Variants in TGFB2 observed in about 807,000 individuals in gnomAD.
TGFB2 encodes transforming growth factor beta 2.
In TGFB2, 13 loss-of-function variants were observed where a neutral mutation model predicts 42.7. The observed-to-expected ratio is 0.30, with a 90% CI of 0.20 to 0.48. TGFB2 has a LOEUF of 0.48. TGFB2 is among the 20% of genes least tolerant of loss of function. The pLI, the probability that TGFB2 is intolerant of heterozygous loss-of-function variation, is 0.99. For synonymous variants in TGFB2, 193 were observed against 193.6 expected, an observed-to-expected ratio of 1.00 and a Z score of 0.03; for missense variants, 390 against 517.5, an observed-to-expected ratio of 0.75 and a Z score of 2.39.
At chr1:218,396,619 A>G (rs1406400471) in intron 1 of TGFB2, among the ~76,000 whole-genome samples, 2 of 152,016 alleles carry the variant, frequency 1.3e-5, no homozygotes, top group African/African-American at 4.8e-5. Flanking sequence ...GGCTATATAG[A>G]AAGTAAGTCC....
Position 218,436,027 on chromosome 1 carries a change from G to A in TGFB2, c.812G>A (p.Arg271Lys), listed in dbSNP as rs370439281. 5.0e-6 allele frequency: 8 copies of A among 1,613,770 alleles called. No homozygotes were observed. The African/African-American group carries it at 9.3e-5, about 19-fold the overall frequency. Reference protein sequence around the residue: ...SGDQKTIKSTRKKNSGKTPHL... With the variant: ...SGDQKTIKSTKKKNSGKTPHL... ...GATCAGAAAACTATAAAGTCCACTA[G>A]GAAAAAAAACAGTGGGAAGACCCCA... Residue 271 changes from arginine (R) to lysine (K), a missense_variant, in exon 5 of 7, where the codon AGG (arginine) becomes AAG (lysine). Arg to Lys is a conservative substitution (Grantham distance 26, BLOSUM62 2). Transcript: ENST00000366930.
intron 2 of TGFB2, among the ~76,000 whole-genome samples, chr1:218,411,562 G>T (rs554851819): frequency 6.6e-6 from 1 of 152,252 alleles, no homozygotes; most frequent in South Asian, 2.1e-4. Context: ...GGTAGAAACT[G>T]CAAGTCCTCT....
rs1660005527 is a variant in TGFB2 at position 218,437,385 on chromosome 1, T to C, written c.975T>C (p.Asp325=). The stretch of plus-strand genomic sequence containing the variant: ...GCTGCCTACGTCCACTTTACATTGA[T>C]TTCAAGAGGGATCTAGGGTGGAAAT... ...DNCCLRPLYI[D]FKRDLGWKWI... Residue 325 remains aspartate (D), a synonymous_variant, in exon 6 of 7, where the codon GAT becomes GAC. Transcript: ENST00000366930. 1 of 1,613,200 alleles carries C rather than the reference T, an allele frequency of 6.2e-7. No individual in the cohort carries two copies. The highest frequency in any genetic ancestry group is 8.5e-7 in the Non-Finnish European group (1 of 1,179,650).
intron 2 of TGFB2, among the ~76,000 whole-genome samples, chr1:218,416,224 C>T (rs1004815115): frequency 6.6e-6 from 1 of 152,030 alleles, no homozygotes; most frequent in African/African-American, 2.4e-5. Flanking sequence ...TTGTTACTAC[C>T]TCTCCCTGCT....
intron 1 of TGFB2, among the ~76,000 whole-genome samples, chr1:218,397,683 C>G (rs1241716725): frequency 6.6e-6 from 1 of 151,984 alleles, no homozygotes; most frequent in African/African-American, 2.4e-5. Context: ...AGGAATTGCT[C>G]AAGGAGTTTG....
intron 5 of TGFB2, 28 bp downstream of exon 5, chr1:218,436,175 A>C (rs1220438204): frequency 1.2e-6 from 2 of 1,601,716 alleles, no homozygotes; most frequent in East Asian, 4.5e-5. Context: ...AAAACCAAGT[A>C]ATTGCATCTG....
At position 218,345,983 on chromosome 1, in the gene TGFB2, C is replaced by A. The variant is rs1656654500; in HGVS notation, c.-719C>A. On this transcript the variant is annotated 5_prime_UTR_variant, in exon 1 of 7. Transcript: ENST00000366930. ...CTCTGCGGCCCCTGCGGCACCCGAC[C>A]GAGTACCGAGCGCCCTGCGAAGCGC... 6.6e-6 allele frequency among the ~76,000 whole-genome samples: 1 copy of A among 151,738 alleles called. No homozygotes were observed. Among genetic ancestry groups the A allele is most frequent in the Non-Finnish European group, 1.5e-5 (1 of 67,900 alleles).
chr1:218,397,563 CAA>C (rs759635592), intron 1 of TGFB2, among the ~76,000 whole-genome samples: 53 of 91,334 alleles, frequency 5.8e-4, no homozygotes, highest in East Asian at 1.3e-3. Context: ...GACTCCGTCT[CAA>C]AAAAAAAAAA....
At chr1:218,389,274 G>T (rs578231188) in intron 1 of TGFB2, among the ~76,000 whole-genome samples, 1 of 152,266 alleles carries the variant, frequency 6.6e-6, no homozygotes, top group South Asian at 2.1e-4. Flanking sequence ...CTTTTGCTTT[G>T]TGATACATGT....
rs910883712 is a variant in TGFB2 at position 218,374,327 on chromosome 1, C to T, written c.346+27280C>T. On this transcript the variant is annotated intron_variant, in intron 1 of 6. Transcript: ENST00000366930. ...GCCCCATACTTATGAAGGAATGTTA[C>T]ATTGAGGCATCCAATAAATATTTAT... Among the ~76,000 whole-genome samples, 5 of 152,156 alleles carry T rather than the reference C, an allele frequency of 3.3e-5. No homozygotes were observed. The South Asian group carries it at 1.0e-3, about 32-fold the overall frequency.
intron 1 of TGFB2, among the ~76,000 whole-genome samples, chr1:218,400,296 C>G (rs1231111847): frequency 6.6e-6 from 1 of 152,084 alleles, no homozygotes; most frequent in East Asian, 1.9e-4. Flanking sequence ...CTCCCTCTCT[C>G]TGTCTCTCTC....
At chr1:218,411,033 A>ATCC (rs76327107) in intron 2 of TGFB2, among the ~76,000 whole-genome samples, 19,269 of 152,150 alleles carry the variant, frequency 0.13, 1,482 homozygotes, top group South Asian at 0.2. Context: ...GCCCTAAACA[A>ATCC]TCCTTTGGGA....
intron 2 of TGFB2, among the ~76,000 whole-genome samples, chr1:218,405,975 C>T (rs1384060074): frequency 1.3e-5 from 2 of 152,008 alleles, no homozygotes; most frequent in African/African-American, 2.4e-5. Context: ...AATGTAGGTC[C>T]GATTTCTTCC....
intron 1 of TGFB2, 87 bp downstream of exon 1, chr1:218,347,134 C>A (rs1261568686): frequency 7.8e-7 from 1 of 1,284,614 alleles, no homozygotes. Flanking sequence ...ATCGCCCTTC[C>A]CTCTCGCGGT....
rs863223790 is a variant in TGFB2 at position 218,434,154 on chromosome 1, G to T, written c.583G>T (p.Glu195Ter). ...IDSKVVKTRA[E>*]GEWLSFDVTD... is the part of the protein sequence containing the mutation. ...CAGCAAAGTTGTGAAAACAAGAGCAGAAGGCGAATGGCTCTCCTTCGATGT... is the reference window on the plus strand; with the variant it reads ...CAGCAAAGTTGTGAAAACAAGAGCATAAGGCGAATGGCTCTCCTTCGATGT... The change falls in exon 3 of 7, where the codon GAA becomes TAA. Residue 195 changes from glutamate to a stop codon, truncating the protein, a stop_gained. Transcript: ENST00000366930. LOFTEE classifies it high-confidence loss of function. 6.2e-7 allele frequency: 1 copy of T among 1,614,100 alleles called. No individual in the cohort carries two copies. Among genetic ancestry groups the T allele is most frequent in the African/African-American group, 1.3e-5 (1 of 74,938 alleles).
At chr1:218,415,155 T>G (rs1659231745) in intron 2 of TGFB2, among the ~76,000 whole-genome samples, 1 of 152,232 alleles carries the variant, frequency 6.6e-6, no homozygotes, top group Admixed American at 6.5e-5. Flanking sequence ...CATGGAAACT[T>G]CTAGCACAGT....
intron 1 of TGFB2, among the ~76,000 whole-genome samples, chr1:218,396,194 A>G (rs1658505180): frequency 6.6e-6 from 1 of 152,226 alleles, no homozygotes. Context: ...GTAAAAAAGA[A>G]TTGCCTACTA....
intron 2 of TGFB2, among the ~76,000 whole-genome samples, chr1:218,424,380 T>C (rs1659554340): frequency 6.6e-6 from 1 of 152,238 alleles, no homozygotes; most frequent in African/African-American, 2.4e-5. Flanking sequence ...TTAACAGATA[T>C]ATATGTGTAA....
intron 1 of TGFB2, among the ~76,000 whole-genome samples, chr1:218,400,350 T>G (rs1302904936): frequency 6.6e-6 from 1 of 152,200 alleles, no homozygotes; most frequent in African/African-American, 2.4e-5. Flanking sequence ...TGTTTGATAT[T>G]GTGCTCACTT....
Sources: allele counts gnomAD v4.1 joint callset (sites outside exome capture counted in the v4.1 genomes callset), GRCh38; gene constraint gnomAD v4.1.1; transcripts MANE v1.5; gene names NCBI Gene and HGNC (gene_info 2026-07-23, HGNC 2026-07-21).